Variants in TRAPPC12 observed in about 807,000 individuals in gnomAD.
TRAPPC12 encodes trafficking protein particle complex subunit 12, also known as TPR repeat protein 15.
In TRAPPC12, 61 loss-of-function variants were observed where a neutral mutation model predicts 69.2. The observed-to-expected ratio is 0.88, with a 90% confidence interval of 0.72 to 1.09. TRAPPC12 has a LOEUF of 1.09. TRAPPC12 is among the 50% of genes least tolerant of loss of function. The probability of loss-of-function intolerance (pLI) is 0.00; values close to 1 mark genes in which losing one functional copy is unlikely to be tolerated. For missense variants in TRAPPC12, 1,101 were observed against 1,016.4 expected (o/e 1.08, Z -1.13); for synonymous variants, 469 against 438.9 (o/e 1.07, Z -0.86).
chr2:3,400,615 G>A (rs538960272), intron 2 of TRAPPC12, among the ~76,000 whole-genome samples: 62 of 152,262 alleles, frequency 4.1e-4, no homozygotes, highest in African/African-American at 1.3e-3. Context: ...GTCTCCTGCC[G>A]CCCGTGGAGA....
intron 5 of TRAPPC12, among the ~76,000 whole-genome samples, chr2:3,429,787 A>G (rs765246699): frequency 4.6e-5 from 7 of 152,230 alleles, no homozygotes; most frequent in Non-Finnish European, 1.0e-4. Flanking sequence ...GGTTGAATCT[A>G]TTCTTTGCTC....
intron 5 of TRAPPC12, among the ~76,000 whole-genome samples, chr2:3,430,992 T>C (rs1257305628): frequency 2.0e-5 from 3 of 152,204 alleles, no homozygotes; most frequent in Non-Finnish European, 4.4e-5. Context: ...ACGCTGTTGC[T>C]GGGACCGTCC....
intron 5 of TRAPPC12, among the ~76,000 whole-genome samples, chr2:3,427,510 A>G (rs1663176486): frequency 6.6e-6 from 1 of 152,224 alleles, no homozygotes. Flanking sequence ...GACTCCTCTT[A>G]CAACACCTGC....
intron 7 of TRAPPC12, chr2:3,458,314 A>G (rs1383818843): frequency 7.1e-6 from 7 of 986,504 alleles, no homozygotes; most frequent in Middle Eastern, 5.2e-4. Flanking sequence ...GCTCCCTCCC[A>G]GGTAGCCCCA....
chr2:3,473,631 C>T (rs1666164874), intron 9 of TRAPPC12, among the ~76,000 whole-genome samples: 1 of 152,166 alleles, frequency 6.6e-6, no homozygotes, highest in African/African-American at 2.4e-5. Flanking sequence ...GAATGCACCA[C>T]CATGCCCAGC....
At chr2:3,405,646 G>T (rs769893099) in intron 3 of TRAPPC12, among the ~76,000 whole-genome samples, 1 of 152,148 alleles carries the variant, frequency 6.6e-6, no homozygotes, top group Non-Finnish European at 1.5e-5. Flanking sequence ...AACAATAAAG[G>T]TTGCTAAGCT....
At position 3,448,760 on chromosome 2, in the gene TRAPPC12, T is replaced by A. The variant is rs139202313; in HGVS notation, c.1530+4869T>A. 4.0e-3 allele frequency among the ~76,000 whole-genome samples: 609 copies of A among 151,130 alleles called. 8 individuals are homozygous for A. The highest frequency in any genetic ancestry group is 0.014 in the African/African-American group (583 of 40,496). On this transcript the variant is annotated intron_variant, in intron 6 of 11. Transcript: ENST00000324266. ...GGGTAGGGCGTGGAGAGCAGCCGGTTACGCGGTTACACGAGGGCGGAGGGC... is the reference window on the plus strand; with the variant it reads ...GGGTAGGGCGTGGAGAGCAGCCGGTAACGCGGTTACACGAGGGCGGAGGGC...
chr2:3,451,830 G>T (rs1336655270), intron 6 of TRAPPC12, among the ~76,000 whole-genome samples: 1 of 152,188 alleles, frequency 6.6e-6, no homozygotes, highest in Non-Finnish European at 1.5e-5. Context: ...GTCCAGCCCA[G>T]AATTTTCAAA....
At chr2:3,449,638 TC>T (rs1305717959) in intron 6 of TRAPPC12, among the ~76,000 whole-genome samples, 1 of 152,214 alleles carries the variant, frequency 6.6e-6, no homozygotes, top group Non-Finnish European at 1.5e-5. Context: ...TGGACATTCT[TC>T]AGTTTTGCTG....
At chr2:3,476,245 G>A (rs1254230530) in intron 9 of TRAPPC12, among the ~76,000 whole-genome samples, 3 of 152,176 alleles carry the variant, frequency 2.0e-5, no homozygotes, top group Non-Finnish European at 4.4e-5. Flanking sequence ...GGCCTGAGAT[G>A]TTATCCTGTT....
chr2:3,439,281 A>G (rs1664062914), intron 5 of TRAPPC12, among the ~76,000 whole-genome samples: 1 of 152,298 alleles, frequency 6.6e-6, no homozygotes, highest in Non-Finnish European at 1.5e-5. Context: ...CCATTTATTA[A>G]TTGGGTTGTT....
chr2:3,430,204 A>G (rs1321922080), intron 5 of TRAPPC12, among the ~76,000 whole-genome samples: 1 of 152,216 alleles, frequency 6.6e-6, no homozygotes, highest in Non-Finnish European at 1.5e-5. Flanking sequence ...CCTTTCGGCT[A>G]TTATGAGCAA....
chr2:3,450,010 G>A (rs1271080843), intron 6 of TRAPPC12, among the ~76,000 whole-genome samples: 2 of 151,968 alleles, frequency 1.3e-5, no homozygotes, highest in East Asian at 1.9e-4. Context: ...AAGAGGGAGC[G>A]GAAAGCACTG....
At chr2:3,478,759 G>A (rs1666409864) in intron 10 of TRAPPC12, 87 bp from the exon 11 acceptor site, 4 of 1,195,598 alleles carry the variant, frequency 3.3e-6, no homozygotes, top group East Asian at 4.7e-5. Flanking sequence ...CTGGGTCTCT[G>A]TGGGATCCAA....
chr2:3,479,279 C>T lies in TRAPPC12; in HGVS notation c.2026C>T (p.Gln676Ter). 6.2e-7 allele frequency: 1 copy of T among 1,614,192 alleles called. No individual in the cohort carries two copies. The highest frequency in any genetic ancestry group is 2.2e-5 in the East Asian group (1 of 44,888). ...YLGKLKDSLR[Q>*]LEAMVQQDPR... ...GGGCAAGCTCAAGGACTCCCTGCGG[C>T]AGCTGGAGGCCATGGTCCAGCAGGA... The change falls in exon 12 of 12, where the codon CAG becomes TAG. Residue 676 changes from glutamine (Q) to a stop codon, truncating the protein, a stop_gained. Transcript: ENST00000324266. LOFTEE classifies it high-confidence loss of function.
chr2:3,476,832 T>C (rs550914102), intron 9 of TRAPPC12, among the ~76,000 whole-genome samples: 1 of 152,196 alleles, frequency 6.6e-6, no homozygotes, highest in Non-Finnish European at 1.5e-5. Flanking sequence ...GACAGCATTC[T>C]GTTAAGTTTC....
intron 2 of TRAPPC12, among the ~76,000 whole-genome samples, chr2:3,393,512 C>T (rs1346521908): frequency 6.6e-6 from 1 of 151,954 alleles, no homozygotes; most frequent in East Asian, 1.9e-4. Context: ...CACACATATA[C>T]ACACACACAC....
Position 3,448,360 on chromosome 2 carries a change from A to G in TRAPPC12, c.1530+4469A>G, listed in dbSNP as rs187761887. On this transcript the variant is annotated intron_variant, in intron 6 of 11. Coordinates refer to ENST00000324266, the MANE Select transcript of TRAPPC12 (RefSeq NM_016030.6). ...ACTTTTCTCTGATGCTTTGTAAAGC[A>G]GGGGCTCTAAAGTTTGGTCTTAAGC... Among the ~76,000 whole-genome samples, 416 of 152,296 alleles carry G rather than the reference A, an allele frequency of 2.7e-3. 3 individuals carry two copies. Among genetic ancestry groups the G allele is most frequent in the Non-Finnish European group, 5.0e-3 (343 of 68,024 alleles).
chr2:3,457,340 A>G, intron 6 of TRAPPC12: 1 of 472,692 alleles, frequency 2.1e-6, no homozygotes, highest in Admixed American at 2.9e-5. Flanking sequence ...GTTGGGTCCC[A>G]TGCTGACTAC....
Sources: allele counts gnomAD v4.1 joint callset (sites outside exome capture counted in the v4.1 genomes callset), GRCh38; gene constraint gnomAD v4.1.1; transcripts MANE v1.5; gene names NCBI Gene and HGNC (gene_info 2026-07-23, HGNC 2026-07-21).